PVT1: variants seen among roughly 807,000 people sequenced by gnomAD.
The protein encoded by PVT1 is CXCR4/PVT1 fusion.
chr8:128,068,605 T>A (rs1408882340), intron 4 of PVT1, among the ~76,000 whole-genome samples: 1 of 151,222 alleles, frequency 6.6e-6, no homozygotes, highest in Non-Finnish European at 1.5e-5. Context: ...CAAGTGATTC[T>A]CCTGCCTCAG....
chr8:127,957,566 CAA>C (rs56796489), intron 3 of PVT1, among the ~76,000 whole-genome samples: 3 of 91,792 alleles, frequency 3.3e-5, no homozygotes, highest in Admixed American at 1.3e-4. Context: ...GACTCCGTCT[CAA>C]AAAAAAAAAA....
intron 2 of PVT1, among the ~76,000 whole-genome samples, chr8:127,814,158 G>A (rs1814633793): frequency 6.6e-6 from 1 of 152,224 alleles, no homozygotes; most frequent in Non-Finnish European, 1.5e-5. Flanking sequence ...GCTGGTGAAA[G>A]TGGACGTGAG....
chr8:127,850,306 A>G, intron 2 of PVT1, among the ~76,000 whole-genome samples: 1 of 152,166 alleles, frequency 6.6e-6, no homozygotes. Context: ...TGGCCTGGAA[A>G]AGGAACCTTT....
chr8:127,879,124 G>A (rs1586418865), intron 2 of PVT1, among the ~76,000 whole-genome samples: 1 of 152,218 alleles, frequency 6.6e-6, no homozygotes, highest in East Asian at 1.9e-4. Flanking sequence ...GCATTTCCCA[G>A]CAAAGTGCCA....
intron 4 of PVT1, among the ~76,000 whole-genome samples, chr8:128,006,145 T>TAATAATAATAATAATAAA (rs1554603823): frequency 1.5e-5 from 2 of 134,388 alleles, no homozygotes; most frequent in African/African-American, 3.0e-5. Context: ...ATAATAATAA[T>TAATAATAATAATAATAAA]AATAAAAAGA....
At chr8:127,933,195 C>T (rs1816232036) in intron 3 of PVT1, among the ~76,000 whole-genome samples, 1 of 152,172 alleles carries the variant, frequency 6.6e-6, no homozygotes, top group Non-Finnish European at 1.5e-5. Context: ...CCTGCCTCAG[C>T]CACTGGAGTA....
chr8:128,024,451 T>C (rs1484735626), intron 4 of PVT1, among the ~76,000 whole-genome samples: 1 of 147,800 alleles, frequency 6.8e-6, no homozygotes, highest in Non-Finnish European at 1.5e-5. Flanking sequence ...GGTGAGACCC[T>C]GTTTCTACAA....
At chr8:127,991,525 C>T (rs1365795208) in intron 4 of PVT1, among the ~76,000 whole-genome samples, 3 of 152,080 alleles carry the variant, frequency 2.0e-5, no homozygotes, top group African/African-American at 4.8e-5. Context: ...ATCCCCATGC[C>T]CTGCTGCACC....
chr8:128,077,960 C>A (rs1466773726), intron 5 of PVT1, among the ~76,000 whole-genome samples: 1 of 152,144 alleles, frequency 6.6e-6, no homozygotes, highest in African/African-American at 2.4e-5. Flanking sequence ...CACCAAAAGT[C>A]AGTTCAAGTG....
intron 3 of PVT1, among the ~76,000 whole-genome samples, chr8:127,911,842 C>G (rs1382976969): frequency 6.6e-6 from 1 of 152,250 alleles, no homozygotes; most frequent in Non-Finnish European, 1.5e-5. Context: ...TCCCTTTGGC[C>G]TCAGGCCCTT....
At chr8:127,937,732 T>A (rs1330451854) in intron 3 of PVT1, among the ~76,000 whole-genome samples, 1 of 152,158 alleles carries the variant, frequency 6.6e-6, no homozygotes, top group Non-Finnish European at 1.5e-5. Context: ...TTCTTCCTTC[T>A]GAAGGAAGAC....
intron 4 of PVT1, among the ~76,000 whole-genome samples, chr8:128,006,103 A>AAAT (rs201867936): frequency 0.02 from 2,349 of 119,310 alleles, 34 homozygotes; most frequent in Non-Finnish European, 0.025. Context: ...ACCTTGTCTC[A>AAAT]AATAATAATA....
intron 6 of PVT1, chr8:128,100,945 C>G (rs1210603640): frequency 1.3e-5 from 2 of 152,216 alleles, no homozygotes; most frequent in Non-Finnish European, 2.9e-5. Flanking sequence ...AATAACACTA[C>G]TATTACAGAT....
chr8:127,833,497 C>T (rs912942513), intron 2 of PVT1, among the ~76,000 whole-genome samples: 6 of 151,802 alleles, frequency 4.0e-5, no homozygotes, highest in African/African-American at 1.2e-4. Context: ...CTTGCTCTGT[C>T]GCCCAGGCTG....
intron 2 of PVT1, among the ~76,000 whole-genome samples, chr8:127,821,243 G>A (rs1052578206): frequency 6.6e-6 from 1 of 152,194 alleles, no homozygotes; most frequent in African/African-American, 2.4e-5. Flanking sequence ...AGCTAGGCCT[G>A]TGCTGTCCCA....
At chr8:127,913,927 C>T (rs1240588500) in intron 3 of PVT1, among the ~76,000 whole-genome samples, 3 of 152,098 alleles carry the variant, frequency 2.0e-5, no homozygotes, top group Admixed American at 6.6e-5. Context: ...CTGTTCTCTC[C>T]AGGCCCACAT....
chr8:127,937,619 C>G (rs963963600), intron 3 of PVT1, among the ~76,000 whole-genome samples: 2 of 121,312 alleles, frequency 1.6e-5, no homozygotes, highest in Admixed American at 8.1e-5. Context: ...ACCAACGTGG[C>G]CTCTCTAAAT....
chr8:127,810,433 C>T (rs968772709), intron 2 of PVT1, among the ~76,000 whole-genome samples: 57 of 152,204 alleles, frequency 3.7e-4, no homozygotes, highest in African/African-American at 1.4e-3. Context: ...GTGCCTGGTG[C>T]GTCAGAGGCT....
At chr8:127,847,733 C>A (rs1156552329) in intron 2 of PVT1, among the ~76,000 whole-genome samples, 1 of 151,976 alleles carries the variant, frequency 6.6e-6, no homozygotes, top group African/African-American at 2.4e-5. Context: ...TATGGCATGC[C>A]ATCTTTTCTG....
Sources: gnomAD v4.1 joint callset for allele counts (sites outside exome capture counted in the v4.1 genomes callset) on GRCh38, gnomAD v4.1.1 for gene constraint, MANE v1.5 for transcripts, NCBI Gene and HGNC (gene_info 2026-07-23, HGNC 2026-07-21) for gene names.